The following EIF4E variants were observed in gnomAD, a reference collection of about 807,000 sequenced individuals.
EIF4E encodes eukaryotic translation initiation factor 4E.
For synonymous variants in EIF4E, 71 were observed against 88.5 expected (o/e 0.80, Z 1.11); for missense variants, 113 against 265.6 (o/e 0.43, Z 3.99).
chr4:98,919,343 A>AC (rs1725547276), intron 1 of EIF4E, among the ~76,000 whole-genome samples: 1 of 146,600 alleles, frequency 6.8e-6, no homozygotes, highest in Non-Finnish European at 1.5e-5. Flanking sequence ...AAAAAAAAAA[A>AC]AAACAAAAAA....
rs1031842918 is a variant in EIF4E at position 98,887,278 on chromosome 4, C to T, written c.286-86G>A. 2 of 1,326,714 alleles carry T rather than the reference C, an allele frequency of 1.5e-6. No homozygotes were observed. The highest frequency in any genetic ancestry group is 1.7e-5 in the Admixed American group (1 of 59,414). The allele number at this position is 1,326,714 out of a possible 1,614,324, so 82.2% of individuals were successfully genotyped here. A position where few individuals can be genotyped will look rare whatever the true frequency, so the allele number is the denominator to read the frequency against. The stretch of plus-strand genomic sequence containing the variant: ...CATTAGAAACAGTTAAGCAACAACA[C>T]TGTCAACTTCTTACTTTATTGCCCA... On this transcript the variant is annotated intron_variant, in intron 4 of 6. Coordinates refer to ENST00000450253, the MANE Select transcript of EIF4E (RefSeq NM_001968.5). This position sits in a 1 kb window ranked among gnomAD's most constrained non-coding sequence, Gnocchi z 4.0.
At chr4:98,908,340 G>A (rs1054371189) in intron 1 of EIF4E, among the ~76,000 whole-genome samples, 15 of 152,086 alleles carry the variant, frequency 9.9e-5, no homozygotes, top group African/African-American at 4.8e-5. Flanking sequence ...AAACGTGTTC[G>A]GTCAATGCTA....
chr4:98,893,830 G>A (rs1228596196), intron 2 of EIF4E, among the ~76,000 whole-genome samples: 2 of 152,124 alleles, frequency 1.3e-5, no homozygotes, highest in Admixed American at 6.5e-5. Flanking sequence ...CAATCCTTTC[G>A]GAAGGTTTTC....
chr4:98,916,154 G>A (rs915813756), intron 1 of EIF4E, among the ~76,000 whole-genome samples: 4 of 151,892 alleles, frequency 2.6e-5, no homozygotes, highest in African/African-American at 9.7e-5. Context: ...TGGTGCCACT[G>A]CACTCCAGCC....
At chr4:98,904,817 C>CT (rs1478983783) in intron 1 of EIF4E, among the ~76,000 whole-genome samples, 1 of 152,048 alleles carries the variant, frequency 6.6e-6, no homozygotes, top group Non-Finnish European at 1.5e-5. Flanking sequence ...TTTCCAACAA[C>CT]TTAAAAAAGG....
At chr4:98,902,101 C>T (rs1724678409) in intron 1 of EIF4E, 119 bp from the exon 2 acceptor site, 1 of 851,096 alleles carries the variant, frequency 1.2e-6, no homozygotes, top group Non-Finnish European at 1.8e-6. Flanking sequence ...CAGAGTCTCT[C>T]TCTGTTGCCC....
intron 1 of EIF4E, among the ~76,000 whole-genome samples, chr4:98,908,797 T>C (rs150852577): frequency 3.3e-5 from 5 of 152,320 alleles, no homozygotes; most frequent in African/African-American, 1.2e-4. Context: ...ACAACCATTA[T>C]TCTCTCCACT....
intron 1 of EIF4E, among the ~76,000 whole-genome samples, chr4:98,910,407 T>C (rs770422863): frequency 1.2e-4 from 19 of 152,288 alleles, no homozygotes; most frequent in Admixed American, 2.6e-4. Flanking sequence ...TAATATAAAA[T>C]GGCAACTAAA....
chr4:98,915,480 G>A (rs550920147), intron 1 of EIF4E, among the ~76,000 whole-genome samples: 57 of 152,056 alleles, frequency 3.7e-4, no homozygotes, highest in African/African-American at 1.3e-3. Flanking sequence ...GGACTGCTCA[G>A]TGTATTCCAA....
intron 2 of EIF4E, among the ~76,000 whole-genome samples, chr4:98,898,023 T>C (rs934988984): frequency 5.3e-5 from 8 of 151,842 alleles, no homozygotes; most frequent in African/African-American, 1.9e-4. Flanking sequence ...TGTAACAAAG[T>C]AGAAAAAAAT....
intron 3 of EIF4E, among the ~76,000 whole-genome samples, chr4:98,889,816 T>C (rs745905281): frequency 6.6e-6 from 1 of 152,066 alleles, no homozygotes; most frequent in African/African-American, 2.4e-5. Context: ...TTTTTCTCTG[T>C]AGGAGAATGA....
At chr4:98,903,297 A>G (rs1264991495) in intron 1 of EIF4E, among the ~76,000 whole-genome samples, 2 of 152,164 alleles carry the variant, frequency 1.3e-5, no homozygotes, top group African/African-American at 4.8e-5. Context: ...TGTAAGTCAA[A>G]TATTTATTGT....
In EIF4E at chr4:98,887,305, A is replaced by G; in HGVS notation, c.286-113T>C. The G allele has an allele frequency of 1.8e-6, 2 of 1,096,308 alleles. No individual in the cohort carries two copies. The highest frequency in any genetic ancestry group is 4.8e-5 in the East Asian group (2 of 41,876). The allele number at this position is 1,096,308 out of a possible 1,614,324, so 67.9% of individuals were successfully genotyped here. On this transcript the variant is annotated intron_variant, in intron 4 of 6. Coordinates refer to ENST00000450253, the MANE Select transcript of EIF4E (RefSeq NM_001968.5). This position sits in a 1 kb window ranked among gnomAD's most constrained non-coding sequence, Gnocchi z 4.0. ...GTCAACTTCTTACTTTATTGCCCATAAAACTGCCATTGATGTAGTTTTTAA... is the reference window on the plus strand; with the variant it reads ...GTCAACTTCTTACTTTATTGCCCATGAAACTGCCATTGATGTAGTTTTTAA...
chr4:98,905,559 TAA>T (rs1358294811), intron 1 of EIF4E, among the ~76,000 whole-genome samples: 1 of 152,108 alleles, frequency 6.6e-6, no homozygotes, highest in East Asian at 1.9e-4. Context: ...AAGGTCAGGC[TAA>T]AAGTGTACCT....
chr4:98,910,013 G>T, intron 1 of EIF4E: 1 of 387,962 alleles, frequency 2.6e-6, no homozygotes. Context: ...AACAAATATA[G>T]TCTTACCACC....
At chr4:98,896,090 G>C (rs1579159349) in intron 2 of EIF4E, among the ~76,000 whole-genome samples, 1 of 152,118 alleles carries the variant, frequency 6.6e-6, no homozygotes, top group Non-Finnish European at 1.5e-5. Flanking sequence ...CAGCTACTCA[G>C]GAGGCTGAGG....
At chr4:98,914,124 G>A (rs1725268777) in intron 1 of EIF4E, among the ~76,000 whole-genome samples, 2 of 150,962 alleles carry the variant, frequency 1.3e-5, no homozygotes, top group South Asian at 4.2e-4. Context: ...CTTTGAGGCC[G>A]AGGTGGGCGG....
chr4:98,914,946 TAAG>T (rs1725314262), intron 1 of EIF4E, among the ~76,000 whole-genome samples: 1 of 152,096 alleles, frequency 6.6e-6, no homozygotes, highest in Non-Finnish European at 1.5e-5. Flanking sequence ...CTAAGAAAAT[TAAG>T]TAGTTAGTTT....
chr4:98,894,646 T>C (rs1341816649), intron 2 of EIF4E, among the ~76,000 whole-genome samples: 1 of 152,210 alleles, frequency 6.6e-6, no homozygotes. Flanking sequence ...GGGAATGTTG[T>C]AGCTGGTTTT....
Sources: gnomAD v4.1 joint callset for allele counts (sites outside exome capture counted in the v4.1 genomes callset) on GRCh38, gnomAD v4.1.1 for gene constraint, Gnocchi (gnomAD v3.1) non-coding constraint, MANE v1.5 for transcripts, NCBI Gene and HGNC (gene_info 2026-07-23, HGNC 2026-07-21) for gene names.